Variants in AP4E1 observed in about 807,000 individuals in gnomAD.
The protein encoded by AP4E1 is adaptor related protein complex 4 subunit epsilon 1.
A neutral mutation model predicts 128.2 loss-of-function variants in AP4E1; 56 were observed. The ratio of observed to expected loss-of-function variants is 0.44; its 90% confidence interval spans 0.35 to 0.55. AP4E1 has a LOEUF of 0.55. Among genes scored for constraint, AP4E1 ranks in the 20% least tolerant of loss-of-function variants. The probability of loss-of-function intolerance (pLI) is 0.00; values close to 1 mark genes in which losing one functional copy is unlikely to be tolerated. For missense variants in AP4E1, 1,324 were observed against 1,307.7 expected (o/e 1.01, Z -0.19); for synonymous variants, 484 against 473.1 (o/e 1.02, Z -0.30).
In AP4E1 at chr15:50,962,832, A is replaced by G. The variant is rs1333563856; in HGVS notation, c.1851+4038A>G. On this transcript the variant is annotated intron_variant, in intron 14 of 20. Transcript: ENST00000261842. ...AAGAAACAATCTGTAGACTGGGGAA[A>G]AATATTTACAAACAAGGGACTAATA... Among the ~76,000 whole-genome samples, 12 of 149,772 alleles carry G rather than the reference A, an allele frequency of 8.0e-5. No individual in the cohort carries two copies. In the Admixed American group the frequency reaches 8.1e-4, roughly 10 times the overall value.
At chr15:50,958,239 A>G (rs1359508790) in intron 13 of AP4E1, among the ~76,000 whole-genome samples, 1 of 152,232 alleles carries the variant, frequency 6.6e-6, no homozygotes, top group Admixed American at 6.5e-5. Flanking sequence ...AACCAACTCC[A>G]GAAGTTCAGA....
intron 2 of AP4E1, among the ~76,000 whole-genome samples, chr15:50,912,565 CAA>C (rs1169634025): frequency 6.6e-6 from 1 of 152,040 alleles, no homozygotes; most frequent in Non-Finnish European, 1.5e-5. Flanking sequence ...ATTTTTCAAA[CAA>C]TATTCAGCAA....
At position 50,930,968 on chromosome 15, in the gene AP4E1, A is replaced by G; in HGVS notation, c.866A>G (p.Gln289Arg). ...RILGLLGKDD[Q>R]RTSELMYDVL... ...CTGGGACTTCTAGGAAAAGATGATC[A>G]AAGGTAAACTATTTTCAGTAAGTTT... Residue 289 changes from glutamine (Q) to arginine (R), a missense_variant, in exon 7 of 21, where the codon CAA (glutamine) becomes CGA (arginine). By Grantham distance (43) the Gln-to-Arg change is conservative. Transcript: ENST00000261842. 1.2e-6 allele frequency: 2 copies of G among 1,614,164 alleles called. No individual in the cohort carries two copies. The highest frequency in any genetic ancestry group is 1.7e-6 in the Non-Finnish European group (2 of 1,180,018).
In AP4E1 at chr15:50,962,889, C is replaced by CAAAAAAAAAA. The variant is rs71127168; in HGVS notation, c.1851+4113_1851+4122dup. ...ATATATAAGGAACTCAATTCAACAG[C>CAAAAAAAAAA]AAAAAAAAAAAAAAAAAAAAAAAAA... On this transcript the variant is annotated intron_variant, in intron 14 of 20. Transcript: ENST00000261842. Among the ~76,000 whole-genome samples the CAAAAAAAAAA allele has an allele frequency of 6.5e-4, 25 of 38,716 alleles. 1 individual carries two copies. The highest frequency in any genetic ancestry group is 2.9e-3 in the African/African-American group (25 of 8,726). The allele number at this position is 38,716 out of a possible 152,430, so 25.4% of individuals were successfully genotyped here.
At chr15:50,989,297 A>G (rs555619276) in intron 16 of AP4E1, among the ~76,000 whole-genome samples, 28 of 152,338 alleles carry the variant, frequency 1.8e-4, no homozygotes, top group African/African-American at 6.3e-4. Flanking sequence ...TTAAAGGATG[A>G]CATTTGAATT....
intron 14 of AP4E1, among the ~76,000 whole-genome samples, chr15:50,961,184 A>G (rs1258856444): frequency 6.6e-6 from 1 of 152,094 alleles, no homozygotes; most frequent in Non-Finnish European, 1.5e-5. Context: ...TTTATAAAGA[A>G]GAACTAGCAC....
At chr15:50,965,414 G>A (rs1176439255) in intron 14 of AP4E1, among the ~76,000 whole-genome samples, 1 of 152,244 alleles carries the variant, frequency 6.6e-6, no homozygotes, top group Non-Finnish European at 1.5e-5. Flanking sequence ...TCCAAAGATG[G>A]CATGTGCACA....
chr15:50,950,395 A>T (rs2064132860), intron 13 of AP4E1, among the ~76,000 whole-genome samples: 1 of 151,966 alleles, frequency 6.6e-6, no homozygotes. Context: ...CTTTGTGTTT[A>T]CAATGTTTTT....
At chr15:50,919,765 G>T (rs1211673700) in intron 3 of AP4E1, among the ~76,000 whole-genome samples, 5 of 151,524 alleles carry the variant, frequency 3.3e-5, no homozygotes, top group Non-Finnish European at 5.9e-5. Context: ...TTATTGAGTG[G>T]TAATCATTTT....
At chr15:50,976,861 A>G (rs2064559503) in intron 15 of AP4E1, among the ~76,000 whole-genome samples, 1 of 152,240 alleles carries the variant, frequency 6.6e-6, no homozygotes, top group Admixed American at 6.5e-5. Flanking sequence ...CGTTAATGAA[A>G]GAAATCAAAC....
chr15:50,977,204 T>A (rs2064563436), intron 15 of AP4E1, among the ~76,000 whole-genome samples: 1 of 152,206 alleles, frequency 6.6e-6, no homozygotes, highest in Non-Finnish European at 1.5e-5. Context: ...TTGTCATACT[T>A]CCTTATTTTC....
At chr15:50,979,670 G>A (rs1040154233) in intron 15 of AP4E1, among the ~76,000 whole-genome samples, 2 of 152,110 alleles carry the variant, frequency 1.3e-5, no homozygotes, top group Non-Finnish European at 1.5e-5. Flanking sequence ...GATTACAGGC[G>A]TCCACCACCA....
At chr15:50,965,197 C>T (rs1056814365) in intron 14 of AP4E1, among the ~76,000 whole-genome samples, 6 of 152,040 alleles carry the variant, frequency 3.9e-5, no homozygotes, top group African/African-American at 1.4e-4. Context: ...TTCTTTATAG[C>T]AGTGCAAGAA....
chr15:50,999,965 A>G (rs1467058826), intron 19 of AP4E1, among the ~76,000 whole-genome samples: 4 of 151,268 alleles, frequency 2.6e-5, no homozygotes, highest in Admixed American at 6.6e-5. Flanking sequence ...ATAATTGAAA[A>G]CAATATCTTA....
In AP4E1 at chr15:50,985,785, G is replaced by T. The variant is rs182173878; in HGVS notation, c.2090+1640G>T. On this transcript the variant is annotated intron_variant, in intron 16 of 20. Transcript: ENST00000261842. ...GTTCTTTTGGCTTAGGATTGACTTGGCAATGCGGGCTCTTTTTTGATTCCA... is the reference window on the plus strand; with the variant it reads ...GTTCTTTTGGCTTAGGATTGACTTGTCAATGCGGGCTCTTTTTTGATTCCA... Among the ~76,000 whole-genome samples, 48 of 152,278 alleles carry T rather than the reference G, an allele frequency of 3.2e-4. No homozygotes were observed. The East Asian group carries it at 8.5e-3, about 27-fold the overall frequency.
intron 10 of AP4E1, among the ~76,000 whole-genome samples, chr15:50,947,459 G>C (rs2064078067): frequency 6.7e-6 from 1 of 150,194 alleles, no homozygotes; most frequent in South Asian, 2.1e-4. Flanking sequence ...GTTCTTCCTT[G>C]ATGACTGAGA....
intron 14 of AP4E1, among the ~76,000 whole-genome samples, chr15:50,959,737 G>A (rs1189034166): frequency 2.0e-5 from 3 of 152,186 alleles, no homozygotes; most frequent in South Asian, 2.1e-4. Context: ...AGGAAAAAAT[G>A]TATAAAACAA....
At chr15:50,912,208 C>G (rs2063574301) in intron 2 of AP4E1, 59 bp downstream of exon 2, 1 of 1,394,486 alleles carries the variant, frequency 7.2e-7, no homozygotes, top group Admixed American at 1.7e-5. Flanking sequence ...ACTGTGGACT[C>G]AATAGTGGCA....
intron 1 of AP4E1, among the ~76,000 whole-genome samples, chr15:50,911,107 C>T (rs1004396676): frequency 6.6e-5 from 10 of 152,176 alleles, no homozygotes; most frequent in African/African-American, 1.2e-4. Context: ...TGTATCAGTA[C>T]GTCACTAGTG....
Sources: gnomAD v4.1 joint callset for allele counts (sites outside exome capture counted in the v4.1 genomes callset) on GRCh38, gnomAD v4.1.1 for gene constraint, MANE v1.5 for transcripts, NCBI Gene and HGNC (gene_info 2026-07-23, HGNC 2026-07-21) for gene names.